SIPA1L3: variants seen among roughly 807,000 people sequenced by gnomAD.
SIPA1L3 encodes the protein signal induced proliferation associated 1 like 3, also known as signal-induced proliferation-associated 1-like protein 3.
SIPA1L3 carries 59 observed loss-of-function variants against 150.1 expected under a neutral mutation model. The observed-to-expected ratio is 0.39, with a 90% CI of 0.32 to 0.49. The LOEUF (loss-of-function observed/expected upper bound fraction) is 0.49. Among genes scored for constraint, SIPA1L3 ranks in the 20% least tolerant of loss-of-function variants. SIPA1L3 has a pLI of 0.86. For missense variants in SIPA1L3, 2,211 were observed against 2,489.5 expected, an observed-to-expected ratio of 0.89 and a Z score of 2.38; for synonymous variants, 1,070 against 1,077.6, an observed-to-expected ratio of 0.99 and a Z score of 0.14.
intron 13 of SIPA1L3, among the ~76,000 whole-genome samples, chr19:38,154,670 A>G (rs1283495245): frequency 6.6e-6 from 1 of 151,482 alleles, no homozygotes; most frequent in South Asian, 2.1e-4. Flanking sequence ...CTCGTCTCGA[A>G]CTCCTGACCT....
chr19:38,104,597 A>T (rs896657175), intron 6 of SIPA1L3, among the ~76,000 whole-genome samples: 1 of 151,962 alleles, frequency 6.6e-6, no homozygotes, highest in African/African-American at 2.4e-5. Context: ...TTTTTGAGAC[A>T]GTCTCGCTCT....
intron 12 of SIPA1L3, among the ~76,000 whole-genome samples, chr19:38,151,781 G>A (rs556763583): frequency 1.2e-4 from 18 of 152,040 alleles, no homozygotes; most frequent in African/African-American, 4.1e-4. Context: ...TGGGCAACAT[G>A]GTGAAACCCA....
intron 15 of SIPA1L3, among the ~76,000 whole-genome samples, chr19:38,179,842 C>CT (rs976023181): frequency 4.6e-5 from 7 of 151,340 alleles, no homozygotes; most frequent in Non-Finnish European, 7.4e-5. Context: ...AGCCTGAGGA[C>CT]TTTTTTTTTC....
chr19:37,991,126 G>A (rs891905209), intron 1 of SIPA1L3, among the ~76,000 whole-genome samples: 3 of 152,144 alleles, frequency 2.0e-5, no homozygotes, highest in African/African-American at 7.2e-5. Flanking sequence ...CAGCTACTTG[G>A]GAGGCTGAGG....
intron 12 of SIPA1L3, among the ~76,000 whole-genome samples, chr19:38,144,891 G>A (rs1971671857): frequency 6.6e-6 from 1 of 152,162 alleles, no homozygotes. Flanking sequence ...AGAAGTTTGA[G>A]GGACTAATAG....
chr19:38,077,843 C>T (rs1217279371), intron 2 of SIPA1L3, among the ~76,000 whole-genome samples: 6 of 151,470 alleles, frequency 4.0e-5, no homozygotes, highest in Non-Finnish European at 8.8e-5. Flanking sequence ...GCTAACGTTT[C>T]TATTTTTAGT....
At chr19:37,909,294 G>A (rs559040929) in intron 1 of SIPA1L3, among the ~76,000 whole-genome samples, 4 of 152,158 alleles carry the variant, frequency 2.6e-5, no homozygotes, top group South Asian at 4.1e-4. Flanking sequence ...TGAAGCCTCC[G>A]TCTCCCGGGT....
At chr19:37,977,593 AC>A (rs1967106161) in intron 1 of SIPA1L3, among the ~76,000 whole-genome samples, 1 of 150,674 alleles carries the variant, frequency 6.6e-6, no homozygotes, top group African/African-American at 2.5e-5. Context: ...GCCCCCCCCC[AC>A]AGAAGTAGGA....
intron 2 of SIPA1L3, among the ~76,000 whole-genome samples, chr19:38,032,428 T>C (rs1444256854): frequency 2.0e-5 from 3 of 152,292 alleles, no homozygotes; most frequent in South Asian, 4.1e-4. Context: ...TCAGCAAATA[T>C]GCATTTGAGC....
chr19:38,204,137 C>T lies in SIPA1L3; in HGVS notation c.5131C>T (p.Pro1711Ser), dbSNP rs1191329505. 2 of 1,558,054 alleles carry T rather than the reference C, an allele frequency of 1.3e-6. No individual in the cohort carries two copies. The highest frequency in any genetic ancestry group is 1.9e-5 in the Admixed American group (1 of 52,770). ...CCCTGGTTTTTCCAGCGAGGAGCCA[C>T]CCCTGGATCTGACAGGCAAGGTGTA... ...RTTPTMSEEPPLDLTGKVYQL... is the reference protein window; with the variant it reads ...RTTPTMSEEPSLDLTGKVYQL... The change falls in exon 21 of 22, where the codon CCC (proline) becomes TCC (serine). Residue 1711 changes from proline (P) to serine (S), a missense_variant. Physicochemically the swap from Pro to Ser is moderately conservative, Grantham distance 74. Around this residue, in one of 5 missense-constraint regions of SIPA1L3, gnomAD observed 63 missense variants for 106.1 expected, o/e 0.59. Coordinates refer to ENST00000222345, the MANE Select transcript of SIPA1L3 (RefSeq NM_015073.3).
At chr19:38,062,979 A>C (rs551163586) in intron 2 of SIPA1L3, among the ~76,000 whole-genome samples, 1 of 152,124 alleles carries the variant, frequency 6.6e-6, no homozygotes, top group South Asian at 2.1e-4. Flanking sequence ...GAGTCAGCCA[A>C]TCCCAGGTTC....
At chr19:38,090,696 C>T (rs1028851415) in intron 4 of SIPA1L3, among the ~76,000 whole-genome samples, 1 of 152,262 alleles carries the variant, frequency 6.6e-6, no homozygotes, top group African/African-American at 2.4e-5. Context: ...TGCCCCAGCC[C>T]CTTGGGCCTG....
chr19:37,923,373 C>T (rs1225684975), intron 1 of SIPA1L3, among the ~76,000 whole-genome samples: 1 of 152,214 alleles, frequency 6.6e-6, no homozygotes, highest in East Asian at 1.9e-4. Context: ...TAGGCTATTG[C>T]TTCTAGGCCA....
intron 1 of SIPA1L3, among the ~76,000 whole-genome samples, chr19:37,931,111 G>A (rs2046549987): frequency 6.6e-6 from 1 of 152,146 alleles, no homozygotes; most frequent in South Asian, 2.1e-4. Flanking sequence ...TGATTACTCG[G>A]TATTTTGAAG....
chr19:37,987,970 G>T (rs994742064), intron 1 of SIPA1L3, among the ~76,000 whole-genome samples: 2 of 152,184 alleles, frequency 1.3e-5, no homozygotes, highest in Admixed American at 1.3e-4. Flanking sequence ...AGGCTTGGTG[G>T]TATTATCTCC....
In SIPA1L3 at chr19:38,164,574, C is replaced by A; in HGVS notation, c.3876C>A (p.Asp1292Glu). The change falls in exon 15 of 22, where the codon GAC (aspartate) becomes GAA (glutamate). Residue 1292 changes from aspartate to glutamate, a missense_variant. This residue lies in a region of SIPA1L3 where 806 missense variants were observed against 870.1 expected (regional missense o/e 0.93). Transcript: ENST00000222345. This position sits in a 1 kb window ranked among gnomAD's most constrained non-coding sequence, Gnocchi z 4.1. ...HSDDRWFDPL[D>E]PLEPEQDPLS... ...ACGACCGCTGGTTCGACCCCCTGGACCCCCTGGAGCCAGAGCAAGACCCCC... is the reference window on the plus strand; with the variant it reads ...ACGACCGCTGGTTCGACCCCCTGGAACCCCTGGAGCCAGAGCAAGACCCCC... 1.9e-6 allele frequency: 3 copies of A among 1,614,072 alleles called. No individual in the cohort carries two copies. Among genetic ancestry groups the A allele is most frequent in the Non-Finnish European group, 2.5e-6 (3 of 1,179,972 alleles).
At chr19:38,089,341 A>G (rs950020297) in intron 4 of SIPA1L3, among the ~76,000 whole-genome samples, 10 of 151,894 alleles carry the variant, frequency 6.6e-5, no homozygotes, top group Admixed American at 2.0e-4. Context: ...AAAAAAAAAA[A>G]AAAAAAGAAA....
intron 15 of SIPA1L3, among the ~76,000 whole-genome samples, chr19:38,178,318 C>G (rs1330299254): frequency 6.6e-6 from 1 of 151,912 alleles, no homozygotes; most frequent in East Asian, 1.9e-4. Context: ...GCCTGGGCAA[C>G]ATAGCAAGAC....
At chr19:38,021,509 G>A (rs1249354320) in intron 1 of SIPA1L3, among the ~76,000 whole-genome samples, 1 of 151,818 alleles carries the variant, frequency 6.6e-6, no homozygotes, top group African/African-American at 2.4e-5. Context: ...AGGCAGACTG[G>A]TGAAGGGGAA....
Sources: allele counts gnomAD v4.1 joint callset (sites outside exome capture counted in the v4.1 genomes callset), GRCh38; gene constraint gnomAD v4.1.1; regional missense constraint gnomAD v4.1.1; non-coding constraint Gnocchi (gnomAD v3.1); transcripts MANE v1.5; gene names NCBI Gene and HGNC (gene_info 2026-07-23, HGNC 2026-07-21).